The following ADPRHL1 variants were observed in gnomAD, a reference collection of about 807,000 sequenced individuals.
The protein encoded by ADPRHL1 is ADP-ribosylhydrolase like 1, also known as inactive ADP-ribosyltransferase ARH2.
In ADPRHL1, 43 loss-of-function variants were observed where a neutral mutation model predicts 44.1. The ratio of observed to expected loss-of-function variants is 0.98; its 90% confidence interval spans 0.76 to 1.26. The LOEUF is 1.26. Among genes scored for constraint, ADPRHL1 ranks in the 50% most tolerant of loss-of-function variants. ADPRHL1 has a pLI of 0.00. For missense variants in ADPRHL1, 2,022 were observed against 2,496.9 expected, an observed-to-expected ratio of 0.81 and a Z score of 4.05; for synonymous variants, 878 against 1,017.4, an observed-to-expected ratio of 0.86 and a Z score of 2.61.
rs1305394556 is a variant in ADPRHL1, at chr13:113,405,083, G to A, written c.4199C>T (p.Ala1400Val). The A allele has an allele frequency of 3.2e-6, 4 of 1,232,138 alleles. No individual in the cohort carries two copies. Among genetic ancestry groups the A allele is most frequent in the South Asian group, 4.1e-5 (1 of 24,366 alleles). 76.3% of individuals were successfully genotyped at this position (1,232,138 alleles called of 1,614,324 possible). The part of the protein sequence containing the change: ...PQPGDAGKRV[A>V]PSGSKVVLNP... ...CAGCACAACCTTCGAGCCCGACGGC[G>A]CCACCCTCTTCCCCGCATCCCCGGG... The change falls in exon 8 of 8, where the codon GCG (alanine) becomes GTG (valine). Residue 1400 changes from alanine (A) to valine (V), a missense_variant. Coordinates refer to ENST00000612156, the MANE Select transcript of ADPRHL1 (RefSeq NM_001394807.1).
At position 113,405,651 on chromosome 13, in the gene ADPRHL1, G is replaced by T; in HGVS notation, c.3631C>A (p.His1211Asn). ...HPEDIATLARHPEDAAALARH... is the reference protein window; with the variant it reads ...HPEDIATLARNPEDAAALARH... ...GCGAGGGCCGCAGCATCCTCCGGGT[G>T]GCGGGCGAGGGTCGCAATGTCCTCT... The change falls in exon 8 of 8, where the codon CAC (histidine) becomes AAC (asparagine). Residue 1211 changes from histidine (H) to asparagine (N), a missense_variant. By Grantham distance (68) the His-to-Asn change is moderately conservative. Around this residue, in one of 8 missense-constraint regions of ADPRHL1, gnomAD observed 1,221 missense variants for 1,517.8 expected, o/e 0.80. Transcript: ENST00000612156. The T allele has an allele frequency of 4.1e-6, 5 of 1,232,700 alleles. No individual in the cohort carries two copies. The highest frequency in any genetic ancestry group is 1.0e-6 in the Non-Finnish European group (1 of 988,788). The allele number at this position is 1,232,700 out of a possible 1,614,324, so 76.4% of individuals were successfully genotyped here.
intron 7 of ADPRHL1, among the ~76,000 whole-genome samples, chr13:113,421,092 T>C (rs1331476366): frequency 1.6e-4 from 8 of 49,078 alleles, no homozygotes; most frequent in Non-Finnish European, 2.7e-4. Context: ...CCCCAGGACA[T>C]CCCTACCCCC....
chr13:113,424,517 C>A (rs1287358213), intron 5 of ADPRHL1, among the ~76,000 whole-genome samples, 168 bp from the exon 6 acceptor site: 1 of 152,064 alleles, frequency 6.6e-6, no homozygotes, highest in Non-Finnish European at 1.5e-5. Flanking sequence ...TGCAATGATA[C>A]AATCTCAGCT....
chr13:113,429,114 G>GA (rs10700715), intron 3 of ADPRHL1, 22 bp from the exon 4 acceptor site: 12 of 1,601,656 alleles, frequency 7.5e-6, no homozygotes, highest in Middle Eastern at 1.7e-4. Context: ...GGAAGAGAGA[G>GA]GGGGCACCAT....
intron 7 of ADPRHL1, chr13:113,410,089 G>A: frequency 1.0e-6 from 1 of 985,418 alleles, no homozygotes; most frequent in Non-Finnish European, 1.2e-6. Context: ...CTGACCACAT[G>A]ACCACGTAGC....
At chr13:113,452,615 A>AG (rs1385741382) in intron 1 of ADPRHL1, among the ~76,000 whole-genome samples, 1 of 152,214 alleles carries the variant, frequency 6.6e-6, no homozygotes, top group Non-Finnish European at 1.5e-5. Context: ...TATTTTAAGA[A>AG]GCTTTGTCTC....
intron 1 of ADPRHL1, chr13:113,449,402 A>C: frequency 4.9e-6 from 1 of 205,976 alleles, no homozygotes; most frequent in South Asian, 1.3e-4. Context: ...CTCACCCGGA[A>C]GGAGGCAGCC....
At chr13:113,435,014 C>CA (rs2044039658) in intron 2 of ADPRHL1, among the ~76,000 whole-genome samples, 1 of 123,978 alleles carries the variant, frequency 8.1e-6, no homozygotes, top group African/African-American at 3.1e-5. Context: ...CCCCGGGACC[C>CA]GGCACCCAGG....
chr13:113,421,758 G>A (rs1056696053), intron 7 of ADPRHL1, among the ~76,000 whole-genome samples: 10 of 152,318 alleles, frequency 6.6e-5, no homozygotes, highest in Admixed American at 6.5e-5. Context: ...GAAGACGCCC[G>A]TGGGGGTAGG....
At chr13:113,430,546 G>A (rs923860443) in intron 3 of ADPRHL1, among the ~76,000 whole-genome samples, 3 of 152,324 alleles carry the variant, frequency 2.0e-5, no homozygotes, top group Non-Finnish European at 4.4e-5. Context: ...GACGGTCAGG[G>A]TGGGAACAGT....
In ADPRHL1 at chr13:113,445,337, C is replaced by T. The variant is rs772050309; in HGVS notation, c.215-748G>A. Among the ~76,000 whole-genome samples the T allele has an allele frequency of 5.9e-4, 90 of 152,258 alleles. 1 individual carries two copies. Among genetic ancestry groups the T allele is most frequent in the Admixed American group, 3.9e-4 (6 of 15,290 alleles). On this transcript the variant is annotated intron_variant, in intron 1 of 7. Coordinates refer to ENST00000612156, the MANE Select transcript of ADPRHL1 (RefSeq NM_001394807.1). ...GACAAAGGTGTTTGCCTGCAAAGCC[C>T]GAGCATTTCTGTGATTAAGTAACCC...
chr13:113,416,208 T>G (rs2043886764), intron 7 of ADPRHL1, among the ~76,000 whole-genome samples: 1 of 151,954 alleles, frequency 6.6e-6, no homozygotes, highest in Non-Finnish European at 1.5e-5. Flanking sequence ...ATGAATCAGC[T>G]GGAGAACCTG....
chr13:113,450,092 T>C (rs1425365937), intron 1 of ADPRHL1, among the ~76,000 whole-genome samples: 1 of 152,194 alleles, frequency 6.6e-6, no homozygotes, highest in Non-Finnish European at 1.5e-5. Flanking sequence ...CTCACCATTG[T>C]CGTTTTGTAG....
At position 113,406,827 on chromosome 13, in the gene ADPRHL1, G is replaced by A; in HGVS notation, c.2455C>T (p.His819Tyr). Reference sequence around the variant, plus strand: ...GATGGAGCGTTCAGGGGTGGGATGTGCTCCGGCACCTTCTGTTCTGGGAAA... The same window carrying A: ...GATGGAGCGTTCAGGGGTGGGATGTACTCCGGCACCTTCTGTTCTGGGAAA... ...KYFPEQKVPE[H>Y]IPPLNAPSVQ... The change falls in exon 8 of 8, where the codon CAC (histidine) becomes TAC (tyrosine). Residue 819 changes from histidine to tyrosine, a missense_variant. Physicochemically the swap from His to Tyr is moderately conservative, Grantham distance 83 (BLOSUM62 2). Transcript: ENST00000612156. The A allele has an allele frequency of 4.9e-6, 6 of 1,232,102 alleles. No homozygotes were observed. The highest frequency in any genetic ancestry group is 6.1e-6 in the Non-Finnish European group (6 of 988,062). 76.3% of individuals were successfully genotyped at this position (1,232,102 alleles called of 1,614,324 possible). A position where few individuals can be genotyped will look rare whatever the true frequency, so the allele number is the denominator to read the frequency against.
At chr13:113,452,970 A>G (rs373248103) in intron 1 of ADPRHL1, among the ~76,000 whole-genome samples, 2 of 152,214 alleles carry the variant, frequency 1.3e-5, no homozygotes, top group East Asian at 1.9e-4. Flanking sequence ...AGTCACGTTT[A>G]AAAACTGAAT....
rs906254265 is a variant in ADPRHL1 at position 113,399,675 on chromosome 13, C to G, written c.*3703G>C. The G allele has an allele frequency of 1.3e-5, 2 of 152,078 alleles. No homozygotes were observed. The highest frequency in any genetic ancestry group is 2.9e-5 in the Non-Finnish European group (2 of 67,974). 9.4% of individuals were successfully genotyped at this position (152,078 alleles called of 1,614,324 possible). ...CAGCTGAATGATGTTAGTAAAAATA[C>G]AGAGAGAATACAACAAATGACATTT... On this transcript the variant is annotated 3_prime_UTR_variant, in exon 8 of 8. Transcript: ENST00000612156.
intron 7 of ADPRHL1, among the ~76,000 whole-genome samples, chr13:113,416,603 T>G (rs548327512): frequency 6.6e-6 from 1 of 152,316 alleles, no homozygotes; most frequent in East Asian, 1.9e-4. Flanking sequence ...TTAGTGAGCT[T>G]CTGTCACCAA....
At position 113,403,604 on chromosome 13, in the gene ADPRHL1, C is replaced by T; in HGVS notation, c.5678G>A (p.Gly1893Glu). 9.7e-6 allele frequency: 12 copies of T among 1,231,656 alleles called. No homozygotes were observed. The highest frequency in any genetic ancestry group is 3.2e-5 in the East Asian group (1 of 31,656). 76.3% of individuals were successfully genotyped at this position (1,231,656 alleles called of 1,614,324 possible). The change falls in exon 8 of 8, where the codon GGG (glycine) becomes GAG (glutamate). Residue 1893 changes from glycine to glutamate, a missense_variant. Physicochemically the swap from Gly to Glu is moderately conservative, Grantham distance 98. Around this residue, in one of 8 missense-constraint regions of ADPRHL1, gnomAD observed 205 missense variants for 250.1 expected, o/e 0.82. Transcript: ENST00000612156. ...KSPTEPKPEA[G>E]GCGTPQAPAQ... is the part of the protein sequence containing the mutation. ...CGGGGCCTGGGGAGTCCCGCAGCCC[C>T]CAGCCTCAGGCTTGGGCTCAGTTGG...
intron 1 of ADPRHL1, among the ~76,000 whole-genome samples, chr13:113,450,893 C>T (rs1316133167): frequency 6.6e-6 from 1 of 152,056 alleles, no homozygotes; most frequent in Non-Finnish European, 1.5e-5. Flanking sequence ...TGACTCATGT[C>T]AGGCCCTCCA....
Sources: gnomAD v4.1 joint callset for allele counts (sites outside exome capture counted in the v4.1 genomes callset) on GRCh38, gnomAD v4.1.1 for gene constraint, gnomAD v4.1.1 regional missense constraint, MANE v1.5 for transcripts, NCBI Gene and HGNC (gene_info 2026-07-23, HGNC 2026-07-21) for gene names.